DCDC1: variants seen among roughly 807,000 people sequenced by gnomAD.
The protein encoded by DCDC1 is doublecortin domain-containing protein 1.
Under a neutral mutation model 178.3 loss-of-function variants are expected in DCDC1, and 200 were observed. The ratio of observed to expected loss-of-function variants is 1.12; its 90% CI spans 1.00 to 1.26. The LOEUF is 1.26. DCDC1 is among the 50% of genes most tolerant of loss of function. DCDC1 has a pLI of 0.00. For synonymous variants in DCDC1, 690 were observed against 604.8 expected (o/e 1.14, Z -2.07); for missense variants, 1,983 against 1,749.2 (o/e 1.13, Z -2.38).
At chr11:30,923,626 T>G (rs1373736440) in intron 23 of DCDC1, among the ~76,000 whole-genome samples, 4 of 149,792 alleles carry the variant, frequency 2.7e-5, no homozygotes, top group African/African-American at 9.8e-5. Context: ...TAATAATTAT[T>G]ATTATTATTT....
At position 31,253,167 on chromosome 11, in the gene DCDC1, C is replaced by T. The variant is rs143716866; in HGVS notation, c.1055-11551G>A. 2.6e-4 allele frequency among the ~76,000 whole-genome samples: 40 copies of T among 152,190 alleles called. No homozygotes were observed. In the East Asian group the frequency reaches 6.9e-3, roughly 26 times the overall value. ...GCAGTTAATAGTGAGTAATTCATTG[C>T]AAATGTAATTCAACAAAGAAATTTT... On this transcript the variant is annotated intron_variant, in intron 8 of 38. Coordinates refer to ENST00000684477, the MANE Select transcript of DCDC1 (RefSeq NM_001387274.1).
At chr11:31,267,776 CT>C (rs1945268021) in intron 7 of DCDC1, among the ~76,000 whole-genome samples, 1 of 152,146 alleles carries the variant, frequency 6.6e-6, no homozygotes, top group Non-Finnish European at 1.5e-5. Flanking sequence ...GGAAAATAAA[CT>C]GGAGTTTGTC....
intron 9 of DCDC1, among the ~76,000 whole-genome samples, chr11:31,194,741 T>C (rs1200782675): frequency 6.6e-6 from 1 of 152,116 alleles, no homozygotes; most frequent in African/African-American, 2.4e-5. Context: ...ATGGACATTT[T>C]TGCATGTAAC....
At chr11:31,271,450 T>C (rs1945544536) in intron 7 of DCDC1, among the ~76,000 whole-genome samples, 1 of 152,204 alleles carries the variant, frequency 6.6e-6, no homozygotes, top group Admixed American at 6.5e-5. Flanking sequence ...CTACCTGATA[T>C]CTCCCTCTAG....
chr11:30,869,178 G>A (rs1273519759), intron 38 of DCDC1, among the ~76,000 whole-genome samples: 1 of 152,222 alleles, frequency 6.6e-6, no homozygotes. Context: ...TGGCAAAGTA[G>A]GATTCCTAGT....
intron 10 of DCDC1, among the ~76,000 whole-genome samples, chr11:31,132,254 T>G (rs556138246): frequency 6.6e-6 from 1 of 152,334 alleles, no homozygotes; most frequent in East Asian, 1.9e-4. Flanking sequence ...CCATTCAGTT[T>G]TACTCAAACT....
intron 37 of DCDC1, among the ~76,000 whole-genome samples, chr11:30,879,392 A>G (rs983168111): frequency 6.6e-6 from 1 of 152,124 alleles, no homozygotes; most frequent in African/African-American, 2.4e-5. Context: ...ATTTCTAATA[A>G]ATGAGTATTA....
intron 8 of DCDC1, among the ~76,000 whole-genome samples, chr11:31,253,953 A>G (rs921373087): frequency 6.6e-6 from 1 of 152,208 alleles, no homozygotes; most frequent in Non-Finnish European, 1.5e-5. Flanking sequence ...ACACTGTTGA[A>G]TTAAGAAGAT....
chr11:30,868,242 CTTTTTTTT>C (rs35180579), intron 38 of DCDC1, among the ~76,000 whole-genome samples: 5 of 61,046 alleles, frequency 8.2e-5, no homozygotes, highest in Non-Finnish European at 1.5e-4. Context: ...TTCATACCTG[CTTTTTTTT>C]TTTTTTTTTT....
rs142522419 is a variant in DCDC1, at chr11:30,945,861, C to G, written c.2715+6584G>C. ...AAAAGTATCTTCTTGTGAGGCAGCT[C>G]TGTTCACCACCCATCCATTAGGTGG... On this transcript the variant is annotated intron_variant, in intron 21 of 38. Transcript: ENST00000684477. 1.2e-3 allele frequency among the ~76,000 whole-genome samples: 185 copies of G among 152,242 alleles called. 1 individual carries two copies. Among genetic ancestry groups the G allele is most frequent in the African/African-American group, 4.3e-3 (178 of 41,554 alleles).
chr11:31,005,923 C>T (rs1323548880), intron 20 of DCDC1, among the ~76,000 whole-genome samples: 1 of 143,438 alleles, frequency 7.0e-6, no homozygotes, highest in Non-Finnish European at 1.5e-5. Flanking sequence ...TCCTCTTTGC[C>T]TTCCAACAGG....
chr11:31,366,668 C>T (rs1401967252), intron 1 of DCDC1, among the ~76,000 whole-genome samples: 1 of 152,188 alleles, frequency 6.6e-6, no homozygotes, highest in Non-Finnish European at 1.5e-5. Context: ...GGAGTTCCAT[C>T]TATGTCTTGC....
chr11:31,297,844 T>A (rs1198630142), intron 6 of DCDC1, among the ~76,000 whole-genome samples: 1 of 152,120 alleles, frequency 6.6e-6, no homozygotes, highest in African/African-American at 2.4e-5. Context: ...TAATGGCCCA[T>A]CCCCACTTCG....
intron 8 of DCDC1, 107 bp downstream of exon 8, chr11:31,265,400 A>G: frequency 2.1e-6 from 1 of 479,232 alleles, no homozygotes; most frequent in Non-Finnish European, 3.4e-6. Flanking sequence ...AGTTATAATT[A>G]AACTATGTTT....
intron 20 of DCDC1, among the ~76,000 whole-genome samples, chr11:30,990,874 A>C (rs927262724): frequency 2.0e-5 from 3 of 152,216 alleles, no homozygotes; most frequent in African/African-American, 7.2e-5. Context: ...CCAGTAAGTA[A>C]CATGGGTGAG....
At chr11:30,917,103 T>C in intron 25 of DCDC1, 75 bp from the exon 26 acceptor site, 1 of 1,394,758 alleles carries the variant, frequency 7.2e-7, no homozygotes, top group Non-Finnish European at 9.5e-7. Flanking sequence ...TGAGGTGTAG[T>C]CTGATCATAT....
At chr11:31,044,610 C>CA (rs922526401) in intron 20 of DCDC1, among the ~76,000 whole-genome samples, 12 of 150,794 alleles carry the variant, frequency 8.0e-5, no homozygotes, top group South Asian at 4.2e-4. Flanking sequence ...GACAGCCAGC[C>CA]AAAAAAAAGG....
At chr11:31,213,229 C>T (rs534667219) in intron 9 of DCDC1, among the ~76,000 whole-genome samples, 1 of 148,332 alleles carries the variant, frequency 6.7e-6, no homozygotes, top group South Asian at 2.1e-4. Context: ...AGTCACTTCA[C>T]CCCAGTCTGG....
chr11:31,035,458 A>G (rs973134488), intron 20 of DCDC1, among the ~76,000 whole-genome samples: 8 of 152,218 alleles, frequency 5.3e-5, no homozygotes, highest in Admixed American at 5.2e-4. Context: ...GCTTTTGAAG[A>G]AAACTAATCA....
Sources: allele counts gnomAD v4.1 joint callset (sites outside exome capture counted in the v4.1 genomes callset), GRCh38; gene constraint gnomAD v4.1.1; transcripts MANE v1.5; gene names NCBI Gene and HGNC (gene_info 2026-07-23, HGNC 2026-07-21).